The following MAD1L1 variants were observed in gnomAD, a reference collection of about 807,000 sequenced individuals.
The protein encoded by MAD1L1 is mitotic spindle assembly checkpoint protein MAD1.
A neutral mutation model predicts 96.9 loss-of-function variants in MAD1L1; 95 were observed. That is an observed-to-expected ratio of 0.98 (90% CI 0.83 to 1.16). MAD1L1 has a LOEUF of 1.16. Ranked by LOEUF, MAD1L1 falls within the 50% of genes most tolerant of loss-of-function variation. The pLI is 0.00. For synonymous variants in MAD1L1, 473 were observed against 396.6 expected (o/e 1.19, Z -2.29); for missense variants, 1,007 against 954.4 (o/e 1.06, Z -0.73).
At chr7:2,221,745 A>G (rs548570355) in intron 5 of MAD1L1, among the ~76,000 whole-genome samples, 27 of 152,334 alleles carry the variant, frequency 1.8e-4, no homozygotes, top group African/African-American at 6.5e-4. Context: ...AGTCAAAGAT[A>G]TGCAAATCCA....
At position 1,963,647 on chromosome 7, in the gene MAD1L1, C is replaced by T. The variant is rs116594687; in HGVS notation, c.1506-5928G>A. Among the ~76,000 whole-genome samples, 328 of 152,308 alleles carry T rather than the reference C, an allele frequency of 2.2e-3. 2 individuals carry two copies. Among genetic ancestry groups the T allele is most frequent in the African/African-American group, 7.2e-3 (298 of 41,552 alleles). Reference sequence around the variant, plus strand: ...TGACATCTGCTTCCTGCTTGTACGGCGCACCTGCAGGACATGCTTCCGGAG... The same window carrying T: ...TGACATCTGCTTCCTGCTTGTACGGTGCACCTGCAGGACATGCTTCCGGAG... On this transcript the variant is annotated intron_variant, in intron 15 of 18. Coordinates refer to ENST00000265854, the MANE Select transcript of MAD1L1 (RefSeq NM_001013836.2).
chr7:1,827,343 C>T (rs1177381724), intron 18 of MAD1L1, among the ~76,000 whole-genome samples: 2 of 152,346 alleles, frequency 1.3e-5, no homozygotes, highest in East Asian at 1.9e-4. Context: ...ATCAGGCACA[C>T]GGGTGAGGAG....
intron 3 of MAD1L1, among the ~76,000 whole-genome samples, chr7:2,228,429 T>C (rs1794021111): frequency 6.6e-6 from 1 of 151,964 alleles, no homozygotes; most frequent in African/African-American, 2.4e-5. Context: ...ATTTTTGTAT[T>C]TTTAGTAGAG....
At chr7:1,873,869 C>T (rs1438698037) in intron 18 of MAD1L1, among the ~76,000 whole-genome samples, 4 of 152,288 alleles carry the variant, frequency 2.6e-5, no homozygotes, top group Middle Eastern at 3.4e-3. Flanking sequence ...AACTGCTCCC[C>T]GTGGCTGAAC....
rs573533226 is a variant in MAD1L1 at position 2,222,618 on chromosome 7, T to C, written c.428A>G (p.Lys143Arg). Residue 143 changes from lysine (K) to arginine (R), a missense_variant, in exon 5 of 19, where the codon AAG becomes AGG. Lys to Arg is a conservative substitution (Grantham distance 26). Coordinates refer to ENST00000265854, the MANE Select transcript of MAD1L1 (RefSeq NM_001013836.2). Reference protein sequence around the residue: ...QCQQNLDAASKRLREKEDSLA... With the variant: ...QCQQNLDAASRRLREKEDSLA... ...ACTGTCCTCTTTCTCACGCAGCCTC[T>C]TGCTGGCAGCATCCAAGTTCTGCTG... 1.9e-6 allele frequency: 3 copies of C among 1,612,990 alleles called. No individual in the cohort carries two copies. In the South Asian group the frequency reaches 3.3e-5, roughly 18 times the overall value.
chr7:2,079,755 G>T (rs527551153), intron 11 of MAD1L1: 9 of 470,800 alleles, frequency 1.9e-5, no homozygotes, highest in Middle Eastern at 3.2e-4. Context: ...CGGCAAGCAC[G>T]GCCGCAGGGA....
At chr7:2,202,120 T>A (rs1792341907) in intron 10 of MAD1L1, 1 of 152,572 alleles carries the variant, frequency 6.6e-6, no homozygotes, top group Non-Finnish European at 1.5e-5. Context: ...AGAGACGCCC[T>A]CGCTCGGTCC....
At chr7:2,060,180 GAGATACACCGATGCCA>G (rs1170700656) in intron 12 of MAD1L1, among the ~76,000 whole-genome samples, 6 of 114,376 alleles carry the variant, frequency 5.2e-5, no homozygotes, top group African/African-American at 2.2e-4. Context: ...CGCCGATGCC[GAGATACACCGATGCCA>G]AGATACGCAG....
intron 11 of MAD1L1, among the ~76,000 whole-genome samples, chr7:2,090,927 T>C (rs1156950037): frequency 2.0e-5 from 3 of 152,160 alleles, no homozygotes. Context: ...GAGAACTACA[T>C]CCATTTTATC....
chr7:1,997,563 G>C (rs1339197151), intron 14 of MAD1L1, among the ~76,000 whole-genome samples: 1 of 152,282 alleles, frequency 6.6e-6, no homozygotes, highest in Non-Finnish European at 1.5e-5. Context: ...AAAATGAAAA[G>C]GGAGTCAGGC....
At chr7:1,969,643 C>G (rs1170185656) in intron 15 of MAD1L1, among the ~76,000 whole-genome samples, 1 of 152,234 alleles carries the variant, frequency 6.6e-6, no homozygotes, top group South Asian at 2.1e-4. Flanking sequence ...ATAACCTGTT[C>G]TAGTCAATAA....
chr7:1,959,577 G>A (rs970633672), intron 15 of MAD1L1, among the ~76,000 whole-genome samples: 1 of 152,160 alleles, frequency 6.6e-6, no homozygotes, highest in African/African-American at 2.4e-5. Context: ...TAAAGGCAGA[G>A]GTGGTACCTA....
intron 10 of MAD1L1, chr7:2,193,134 G>C (rs750122010): frequency 7.9e-5 from 12 of 152,326 alleles, no homozygotes; most frequent in African/African-American, 1.2e-4. Context: ...GGGCAGGGAG[G>C]CTGGAAACCC....
chr7:2,132,592 T>C (rs1477646724), intron 11 of MAD1L1, among the ~76,000 whole-genome samples: 1 of 152,254 alleles, frequency 6.6e-6, no homozygotes, highest in Non-Finnish European at 1.5e-5. Context: ...ATCTTTTTAC[T>C]GTGTCCACAG....
At chr7:1,858,850 C>T (rs1253005929) in intron 18 of MAD1L1, among the ~76,000 whole-genome samples, 4 of 152,246 alleles carry the variant, frequency 2.6e-5, no homozygotes, top group Non-Finnish European at 4.4e-5. Context: ...TCTGCCCCTC[C>T]TGGCTTCAGG....
chr7:1,965,424 G>A (rs768285394), intron 15 of MAD1L1, among the ~76,000 whole-genome samples: 14 of 152,214 alleles, frequency 9.2e-5, no homozygotes, highest in African/African-American at 2.2e-4. Flanking sequence ...AAGGCCCACC[G>A]CACTGGTGGG....
intron 17 of MAD1L1, among the ~76,000 whole-genome samples, chr7:1,936,407 G>A (rs566417630): frequency 1.3e-5 from 2 of 152,328 alleles, no homozygotes; most frequent in South Asian, 2.1e-4. Context: ...ACTGACAAAT[G>A]ATACGAATTA....
chr7:1,904,598 A>C lies in MAD1L1; in HGVS notation c.1808-6208T>G, dbSNP rs1329153835. Among the ~76,000 whole-genome samples the C allele has an allele frequency of 1.0e-4, 8 of 79,826 alleles. 2 individuals carry two copies. Among genetic ancestry groups the C allele is most frequent in the Non-Finnish European group, 1.4e-4 (6 of 44,034 alleles). 52.4% of individuals were successfully genotyped at this position (79,826 alleles called of 152,430 possible). ...AGACGCTCTTGCAGAATTCATGATT[A>C]ATGAAGCATTGTTCCAGGCAGCGAG... On this transcript the variant is annotated intron_variant, in intron 17 of 18. Transcript: ENST00000265854.
Position 1,870,572 on chromosome 7 carries a change from A to G in MAD1L1, c.1998+27628T>C, listed in dbSNP as rs1785009928. 2.7e-5 allele frequency among the ~76,000 whole-genome samples: 4 copies of G among 145,780 alleles called. No homozygotes were observed. The South Asian group carries it at 9.0e-4, about 33-fold the overall frequency. Reference sequence around the variant, plus strand: ...TAACACCTGCCACGCTGAACCCAACATACGCCTGCCACGCTGAACCCACCG... The same window carrying G: ...TAACACCTGCCACGCTGAACCCAACGTACGCCTGCCACGCTGAACCCACCG... On this transcript the variant is annotated intron_variant, in intron 18 of 18. Transcript: ENST00000265854.
Sources: gnomAD v4.1 joint callset for allele counts (sites outside exome capture counted in the v4.1 genomes callset) on GRCh38, gnomAD v4.1.1 for gene constraint, MANE v1.5 for transcripts, NCBI Gene and HGNC (gene_info 2026-07-23, HGNC 2026-07-21) for gene names.